Variants in EXTL3 observed in about 807,000 individuals in gnomAD.
EXTL3 encodes the protein exostosin-like 3.
EXTL3 carries 27 observed loss-of-function variants against 69.3 expected under a neutral mutation model. That is an observed-to-expected ratio of 0.39 (90% CI 0.29 to 0.54). The LOEUF (loss-of-function observed/expected upper bound fraction) is 0.54. Among genes scored for constraint, EXTL3 ranks in the 20% least tolerant of loss-of-function variants. The pLI, the probability that EXTL3 is intolerant of heterozygous loss-of-function variation, is 0.69. For synonymous variants in EXTL3, 511 were observed against 499.4 expected (o/e 1.02, Z -0.31); for missense variants, 1,003 against 1,231.8 (o/e 0.81, Z 2.78).
chr8:28,614,525 C>T (rs1340807205), intron 2 of EXTL3, among the ~76,000 whole-genome samples: 2 of 152,012 alleles, frequency 1.3e-5, no homozygotes, highest in Admixed American at 6.6e-5. Context: ...CCACCCGCCT[C>T]GGCCTCCCAA....
At chr8:28,686,207 C>A (rs1024280461) in intron 1 of EXTL3, among the ~76,000 whole-genome samples, 1 of 151,954 alleles carries the variant, frequency 6.6e-6, no homozygotes, top group Non-Finnish European at 1.5e-5. Flanking sequence ...AAAAATTGAA[C>A]CAGGCCAGGT....
At chr8:28,656,883 GTCTT>G (rs150342301) in intron 1 of EXTL3, among the ~76,000 whole-genome samples, 302 of 151,366 alleles carry the variant, frequency 2.0e-3, no homozygotes, top group African/African-American at 6.1e-3. Flanking sequence ...ATTATGGTTG[GTCTT>G]TCTTTCTTTC....
chr8:28,643,582 T>C (rs1235830873), intron 1 of EXTL3, among the ~76,000 whole-genome samples: 1 of 148,292 alleles, frequency 6.7e-6, no homozygotes, highest in African/African-American at 2.5e-5. Context: ...ACCCGGCTAA[T>C]TTTTTTTTTG....
At chr8:28,689,605 T>C (rs1246074000) in intron 1 of EXTL3, among the ~76,000 whole-genome samples, 1 of 152,230 alleles carries the variant, frequency 6.6e-6, no homozygotes, top group Non-Finnish European at 1.5e-5. Context: ...TCAATACTTA[T>C]AGTTTTAAAG....
chr8:28,694,707 G>GTC (rs1185848132), intron 1 of EXTL3, among the ~76,000 whole-genome samples: 1 of 152,168 alleles, frequency 6.6e-6, no homozygotes, highest in Admixed American at 6.5e-5. Context: ...GTGCTTAAGA[G>GTC]TCTGGCTCTG....
At chr8:28,619,822 C>T (rs553877478), upstream of EXTL3, among the ~76,000 whole-genome samples, 1 of 141,750 alleles carries the variant, frequency 7.1e-6, no homozygotes, top group East Asian at 2.2e-4. Context: ...CGTATCCGTA[C>T]ACCGCCGACA....
chr8:28,739,827 A>G (rs1801738580), intron 5 of EXTL3: 1 of 152,182 alleles, frequency 6.6e-6, no homozygotes, highest in African/African-American at 2.4e-5. Flanking sequence ...CAACTGGCCA[A>G]GATTTTCACA....
chr8:28,733,192 T>C (rs76818270), intron 4 of EXTL3, among the ~76,000 whole-genome samples: 7,190 of 152,206 alleles, frequency 0.047, 591 homozygotes, highest in African/African-American at 0.16. Flanking sequence ...TGGATCATGA[T>C]AGCTGCTTTA....
chr8:28,634,545 C>T (rs546460480), intron 1 of EXTL3, among the ~76,000 whole-genome samples: 1 of 151,894 alleles, frequency 6.6e-6, no homozygotes, highest in South Asian at 2.1e-4. Flanking sequence ...CCGGGAGGCC[C>T]TTCCTGGCTC....
At chr8:28,615,957 A>G (rs1806324906) in intron 2 of EXTL3, among the ~76,000 whole-genome samples, 1 of 152,040 alleles carries the variant, frequency 6.6e-6, no homozygotes, top group Non-Finnish European at 1.5e-5. Flanking sequence ...TCAGTAGGCC[A>G]GGCACAGTGG....
intron 5 of EXTL3, chr8:28,742,652 C>T (rs1801804207): frequency 1.3e-5 from 4 of 306,264 alleles, no homozygotes; most frequent in African/African-American, 4.4e-5. Context: ...GTACAGGAGG[C>T]AGTGAGGGAT....
chr8:28,703,205 C>G (rs915828109), intron 1 of EXTL3, among the ~76,000 whole-genome samples: 1 of 152,056 alleles, frequency 6.6e-6, no homozygotes, highest in African/African-American at 2.4e-5. Context: ...CTTCAGACTT[C>G]CGGAAACGTG....
intron 1 of EXTL3, among the ~76,000 whole-genome samples, chr8:28,662,283 T>A (rs1807129033): frequency 6.6e-6 from 1 of 152,208 alleles, no homozygotes; most frequent in South Asian, 2.1e-4. Flanking sequence ...CATATATTTT[T>A]ATCCTTGAAA....
intron 1 of EXTL3, among the ~76,000 whole-genome samples, chr8:28,652,077 G>A (rs1806932958): frequency 6.7e-6 from 1 of 149,744 alleles, no homozygotes. Flanking sequence ...ACTGAACCAC[G>A]TTTTGTTTCT....
chr8:28,654,523 C>A (rs1806974938), intron 1 of EXTL3, among the ~76,000 whole-genome samples: 1 of 151,846 alleles, frequency 6.6e-6, no homozygotes, highest in African/African-American at 2.4e-5. Flanking sequence ...GGACTACTCA[C>A]CATCACTTCT....
chr8:28,698,019 T>A (rs566084738), upstream of EXTL3: 1 of 152,276 alleles, frequency 6.6e-6, no homozygotes, highest in South Asian at 2.1e-4. Flanking sequence ...GGACAGCTGC[T>A]GTGAATGTGA....
At chr8:28,608,844 G>T (rs946809731) in intron 2 of EXTL3, among the ~76,000 whole-genome samples, 1 of 152,042 alleles carries the variant, frequency 6.6e-6, no homozygotes, top group African/African-American at 2.4e-5. Flanking sequence ...GGGAGATAGA[G>T]CAAGACTGTG....
At chr8:28,618,395 AAG>A (rs1315487785), upstream of EXTL3, among the ~76,000 whole-genome samples, 1 of 152,170 alleles carries the variant, frequency 6.6e-6, no homozygotes, top group East Asian at 1.9e-4. Context: ...AACTATGGAA[AAG>A]AGACAAAATT....
chr8:28,736,115 T>C (rs933415768), intron 4 of EXTL3, among the ~76,000 whole-genome samples: 5 of 152,188 alleles, frequency 3.3e-5, no homozygotes, highest in African/African-American at 1.2e-4. Flanking sequence ...GTAATGCCAC[T>C]GAACCATACA....
Sources: allele counts gnomAD v4.1 joint callset (sites outside exome capture counted in the v4.1 genomes callset), GRCh38; gene constraint gnomAD v4.1.1; transcripts MANE v1.5; gene names NCBI Gene and HGNC (gene_info 2026-07-23, HGNC 2026-07-21).